Variants in CAPN10 observed in about 807,000 individuals in gnomAD.
CAPN10 encodes calpain 10.
CAPN10 carries 71 observed loss-of-function variants against 78.4 expected under a neutral mutation model. The observed-to-expected ratio is 0.91, with a 90% CI of 0.75 to 1.10. CAPN10 has a LOEUF of 1.10. Ranked by LOEUF, CAPN10 falls within the 50% of genes least tolerant of loss-of-function variation. CAPN10 has a pLI of 0.00. For missense variants in CAPN10, 849 were observed against 924.6 expected (o/e 0.92, Z 1.06); for synonymous variants, 437 against 407.2 (o/e 1.07, Z -0.88).
rs767686218 is a variant in CAPN10 at position 240,590,913 on chromosome 2, A to T, written c.372A>T (p.Thr124=). 2.5e-6 allele frequency: 4 copies of T among 1,614,236 alleles called. No individual in the cohort carries two copies. Among genetic ancestry groups the T allele is most frequent in the Non-Finnish European group, 3.4e-6 (4 of 1,180,044 alleles). ...TTGGACGCTGGGTGGAGGTGACCAC[A>T]GATGACCGCCTGCCGTGCCTTGCAG... ...WQFGRWVEVT[T]DDRLPCLAGR... The change falls in exon 3 of 12, where the codon ACA becomes ACT. Residue 124 remains threonine, a synonymous_variant. Coordinates refer to ENST00000391984, the MANE Select transcript of CAPN10 (RefSeq NM_023083.4).
chr2:240,598,789 G>A lies in CAPN10; in HGVS notation c.*109G>A. ...CTGTGGGGGCTGGTCCTGAGTCTTG[G>A]CCTGCCTCCCAGCCCTGCCAGGAGG... On this transcript the variant is annotated 3_prime_UTR_variant, in exon 12 of 12. Transcript: ENST00000391984. 1 of 1,096,002 alleles carries A rather than the reference G, an allele frequency of 9.1e-7. No individual in the cohort carries two copies. The highest frequency in any genetic ancestry group is 1.4e-6 in the Non-Finnish European group (1 of 736,744). 67.9% of individuals were successfully genotyped at this position (1,096,002 alleles called of 1,614,324 possible).
intron 3 of CAPN10, 55 bp from the exon 4 acceptor site, chr2:240,591,874 CAGAG>C: frequency 6.8e-7 from 1 of 1,480,626 alleles, no homozygotes; most frequent in Non-Finnish European, 9.3e-7. Flanking sequence ...CCATGGGAAT[CAGAG>C]AGGGGGCCAT....
intron 3 of CAPN10, chr2:240,591,232 C>T: frequency 1.8e-6 from 1 of 554,394 alleles, no homozygotes. Context: ...TCCCTTGTTC[C>T]AAAGCCCAGC....
chr2:240,588,661 C>T (rs963780149), intron 1 of CAPN10, among the ~76,000 whole-genome samples: 1 of 152,180 alleles, frequency 6.6e-6, no homozygotes, highest in Admixed American at 6.5e-5. Context: ...GGCTCAGAAG[C>T]TAGAGGAGCC....
intron 11 of CAPN10, 22 bp from the exon 12 acceptor site, chr2:240,598,629 G>T (rs1215515259): frequency 1.3e-6 from 2 of 1,571,452 alleles, no homozygotes; most frequent in East Asian, 4.6e-5. Context: ...CCGCTGCCCG[G>T]GCCCCCCATC....
chr2:240,596,181 A>T, intron 7 of CAPN10, 138 bp from the exon 8 acceptor site: 1 of 1,479,684 alleles, frequency 6.8e-7, no homozygotes, highest in Non-Finnish European at 9.0e-7. Flanking sequence ...TCCCTGAGAG[A>T]GGGTGGAGGG....
In CAPN10 at chr2:240,595,112, C is replaced by T. The variant is rs376921866; in HGVS notation, c.1086C>T (p.Pro362=). ...GCTGCCGGAACAACAGCGGCTTTCC[C>T]AGCAACCCCAAATTCTGGCTGCGGG... ...AGGCRNNSGF[P]SNPKFWLRVS... Residue 362 remains proline, a synonymous_variant, in exon 7 of 12, where the codon CCC becomes CCT. Coordinates refer to ENST00000391984, the MANE Select transcript of CAPN10 (RefSeq NM_023083.4). 12 of 1,613,850 alleles carry T rather than the reference C, an allele frequency of 7.4e-6. No homozygotes were observed. Among genetic ancestry groups the T allele is most frequent in the African/African-American group, 5.3e-5 (4 of 74,938 alleles).
intron 4 of CAPN10, chr2:240,592,607 A>G: frequency 2.4e-6 from 1 of 422,860 alleles, no homozygotes; most frequent in South Asian, 1.7e-5. Context: ...CCAGGAGTTC[A>G]AGAGACCCGC....
At chr2:240,594,166 T>C in intron 5 of CAPN10, 119 bp downstream of exon 5, 1 of 1,076,816 alleles carries the variant, frequency 9.3e-7, no homozygotes, top group Non-Finnish European at 1.3e-6. Flanking sequence ...GCAAGGCCCC[T>C]GAGTCCCTGC....
intron 9 of CAPN10, 47 bp from the exon 10 acceptor site, chr2:240,597,841 C>T: frequency 6.6e-7 from 1 of 1,523,624 alleles, no homozygotes; most frequent in Non-Finnish European, 8.9e-7. Flanking sequence ...GGCTGGGCTC[C>T]CTACCCCAAG....
Position 240,586,827 on chromosome 2 carries a change from G to A in CAPN10, c.-85G>A. On this transcript the variant is annotated 5_prime_UTR_variant, in exon 1 of 12. Coordinates refer to ENST00000391984, the MANE Select transcript of CAPN10 (RefSeq NM_023083.4). The stretch of plus-strand genomic sequence containing the variant: ...GGGCGGGGAACGGGCGGGGCGGGCC[G>A]GAGGCGGCGGCGGCTGACTCGCCTT... 8.0e-7 allele frequency: 1 copy of A among 1,253,862 alleles called. No individual in the cohort carries two copies. Among genetic ancestry groups the A allele is most frequent in the Non-Finnish European group, 1.0e-6 (1 of 986,370 alleles). 77.7% of individuals were successfully genotyped at this position (1,253,862 alleles called of 1,614,324 possible). A position where few individuals can be genotyped will look rare whatever the true frequency, so the allele number is the denominator to read the frequency against.
Position 240,594,130 on chromosome 2 carries a change from G to C in CAPN10, c.830+83G>C, listed in dbSNP as rs1336133499. The C allele has an allele frequency of 1.1e-5, 16 of 1,398,602 alleles. No individual in the cohort carries two copies. In the South Asian group the frequency reaches 1.3e-4, roughly 11 times the overall value. The allele number at this position is 1,398,602 out of a possible 1,614,324, so 86.6% of individuals were successfully genotyped here. Reference sequence around the variant, plus strand: ...GCCTGTGTCCTGGTCACCTTCAGCTGTCAGGACTGTACTTGGCTGTCTCCA... The same window carrying C: ...GCCTGTGTCCTGGTCACCTTCAGCTCTCAGGACTGTACTTGGCTGTCTCCA... On this transcript the variant is annotated intron_variant, in intron 5 of 11. Transcript: ENST00000391984.
intron 4 of CAPN10, chr2:240,592,777 T>A (rs968110599): frequency 4.2e-6 from 1 of 235,558 alleles, no homozygotes; most frequent in African/African-American, 2.3e-5. Context: ...ACACACGCGC[T>A]GTCAAATGTT....
In CAPN10 at chr2:240,596,947, G is replaced by T. The variant is rs1449301992; in HGVS notation, c.1743+5G>T. 6.2e-7 allele frequency: 1 copy of T among 1,613,462 alleles called. No homozygotes were observed. The highest frequency in any genetic ancestry group is 1.7e-5 in the Admixed American group (1 of 60,026). ...ATCGGCTTCCATATCTTCCAGGCAAGCTCCTTGCCCCAGGGAGGGAGGGGG... is the reference window on the plus strand; with the variant it reads ...ATCGGCTTCCATATCTTCCAGGCAATCTCCTTGCCCCAGGGAGGGAGGGGG... On this transcript the variant is annotated splice_donor_5th_base_variant and intron_variant, in intron 9 of 11. Transcript: ENST00000391984.
At chr2:240,596,235 C>A in intron 7 of CAPN10, 84 bp from the exon 8 acceptor site, 2 of 1,499,568 alleles carry the variant, frequency 1.3e-6, no homozygotes, top group Non-Finnish European at 1.8e-6. Flanking sequence ...TCCAGAGGCC[C>A]TTGTGCTTGC....
intron 10 of CAPN10, 105 bp downstream of exon 10, chr2:240,598,192 C>T: frequency 7.5e-7 from 1 of 1,330,916 alleles, no homozygotes; most frequent in Non-Finnish European, 1.1e-6. Flanking sequence ...CCCTCAAGCC[C>T]CTATCTGTCC....
intron 3 of CAPN10, 26 bp from the exon 4 acceptor site, chr2:240,591,905 TCA>T (rs759879203): frequency 3.8e-6 from 6 of 1,591,788 alleles, no homozygotes; most frequent in Non-Finnish European, 5.2e-6. Context: ...TGCCAGAGGC[TCA>T]CTCCCATGGT....
intron 7 of CAPN10, chr2:240,596,001 C>A: frequency 7.0e-7 from 1 of 1,434,054 alleles, no homozygotes; most frequent in Non-Finnish European, 9.3e-7. Flanking sequence ...TGTTCCTTTC[C>A]TCTTGCAAAA....
intron 1 of CAPN10, among the ~76,000 whole-genome samples, chr2:240,588,009 G>A (rs1405290528): frequency 6.6e-6 from 1 of 152,248 alleles, no homozygotes; most frequent in Admixed American, 6.5e-5. Context: ...TTAGGATGTG[G>A]GTTTGGAGTA....
Sources: allele counts gnomAD v4.1 joint callset (sites outside exome capture counted in the v4.1 genomes callset), GRCh38; gene constraint gnomAD v4.1.1; transcripts MANE v1.5; gene names NCBI Gene and HGNC (gene_info 2026-07-23, HGNC 2026-07-21).